ATL3: variants seen among roughly 807,000 people sequenced by gnomAD.
The protein encoded by ATL3 is atlastin-3.
Under a neutral mutation model 69.5 loss-of-function variants are expected in ATL3, and 49 were observed. The observed-to-expected ratio is 0.71, with a 90% CI of 0.56 to 0.89. The LOEUF (loss-of-function observed/expected upper bound fraction) is 0.89, where lower values mean the gene tolerates loss of function less well. ATL3 is among the 40% of genes least tolerant of loss of function. The pLI, the probability that ATL3 is intolerant of heterozygous loss-of-function variation, is 0.00. For missense variants in ATL3, 606 were observed against 645.7 expected (o/e 0.94, Z 0.67); for synonymous variants, 214 against 224.1 (o/e 0.95, Z 0.40).
chr11:63,666,703 C>A (rs929956516), intron 1 of ATL3, among the ~76,000 whole-genome samples: 4 of 151,994 alleles, frequency 2.6e-5, no homozygotes, highest in Non-Finnish European at 5.9e-5. Context: ...AGCCACCGTG[C>A]CCGGTCCACT....
chr11:63,646,558 G>A lies in ATL3; in HGVS notation c.567C>T (p.Phe189=). 1 of 1,601,674 alleles carries A rather than the reference G, an allele frequency of 6.2e-7. No homozygotes were observed. ...QEDDLQQLQL[F]TEYGRLAMDE... is the part of the protein sequence containing the mutation. Reference sequence around the variant, plus strand: ...CCATTGCCAGACGACCGTATTCTGTGAAGAGCTTTAAAAAAGAAGCATTAT... The same window carrying A: ...CCATTGCCAGACGACCGTATTCTGTAAAGAGCTTTAAAAAAGAAGCATTAT... The change falls in exon 6 of 13, where the codon TTC becomes TTT. Residue 189 remains phenylalanine (F), a synonymous_variant. Coordinates refer to ENST00000398868, the MANE Select transcript of ATL3 (RefSeq NM_015459.5).
At chr11:63,659,324 A>C in intron 1 of ATL3, 72 bp from the exon 2 acceptor site, 1 of 1,348,196 alleles carries the variant, frequency 7.4e-7, no homozygotes. Context: ...GGAAAACAAA[A>C]ACTTCTTAAA....
intron 2 of ATL3, 52 bp downstream of exon 2, chr11:63,658,986 T>G: frequency 6.2e-7 from 1 of 1,605,094 alleles, no homozygotes; most frequent in Non-Finnish European, 8.5e-7. Context: ...ATTTCGCTTT[T>G]TTGGACATTA....
chr11:63,642,532 T>C (rs1939733325), intron 8 of ATL3, among the ~76,000 whole-genome samples: 1 of 152,192 alleles, frequency 6.6e-6, no homozygotes, highest in African/African-American at 2.4e-5. Context: ...AGAACCCCTA[T>C]TTTAGCCCAG....
chr11:63,637,409 T>C (rs1321454948), intron 8 of ATL3, among the ~76,000 whole-genome samples: 1 of 152,182 alleles, frequency 6.6e-6, no homozygotes, highest in African/African-American at 2.4e-5. Flanking sequence ...TGGTCATTGA[T>C]TTATTCTTGT....
rs1289740506 is a variant in ATL3 at position 63,632,557 on chromosome 11, G to T, written c.1107+469C>A. 3.5e-6 allele frequency: 3 copies of T among 856,060 alleles called. No homozygotes were observed. The African/African-American group carries it at 5.0e-5, about 14-fold the overall frequency. The allele number at this position is 856,060 out of a possible 1,614,324, so 53.0% of individuals were successfully genotyped here. A position where few individuals can be genotyped will look rare whatever the true frequency, so the allele number is the denominator to read the frequency against. ...CTACAGTTATGTCCCAGTGGGTCAT[G>T]TTTGGTTAGAAGGTGATAAATCTAC... On this transcript the variant is annotated intron_variant, in intron 11 of 12. Coordinates refer to ENST00000398868, the MANE Select transcript of ATL3 (RefSeq NM_015459.5).
chr11:63,647,173 A>G (rs546120899), intron 5 of ATL3, among the ~76,000 whole-genome samples: 9 of 152,120 alleles, frequency 5.9e-5, no homozygotes, highest in Admixed American at 3.9e-4. Context: ...TTTGCCAATA[A>G]TATTTCCTAC....
chr11:63,661,445 T>C (rs1350293164), intron 1 of ATL3, among the ~76,000 whole-genome samples: 1 of 152,146 alleles, frequency 6.6e-6, no homozygotes, highest in African/African-American at 2.4e-5. Context: ...CAAAGATAAC[T>C]AATTAATTTG....
At chr11:63,660,641 G>A (rs965804907) in intron 1 of ATL3, among the ~76,000 whole-genome samples, 2 of 152,012 alleles carry the variant, frequency 1.3e-5, no homozygotes, top group Admixed American at 1.3e-4. Context: ...ATGGTGGCTC[G>A]CACATATAGT....
At chr11:63,636,167 C>T (rs757430943) in intron 9 of ATL3, 40 bp downstream of exon 9, 98 of 1,589,268 alleles carry the variant, frequency 6.2e-5, no homozygotes, top group Non-Finnish European at 8.1e-5. Flanking sequence ...ATCAGCTTTA[C>T]CAAAAATCAA....
rs1293134731 is a variant in ATL3, at chr11:63,625,178, T to A, written c.*4141A>T. 1 of 152,044 alleles carries A rather than the reference T, an allele frequency of 6.6e-6. No individual in the cohort carries two copies. The highest frequency in any genetic ancestry group is 1.5e-5 in the Non-Finnish European group (1 of 68,036). 9.4% of individuals were successfully genotyped at this position (152,044 alleles called of 1,614,324 possible). ...ACAATGGGCTTCTTAATGTCATTTT[T>A]AAAAATTAATCACACAAATAGTTTG... On this transcript the variant is annotated 3_prime_UTR_variant, in exon 13 of 13. Coordinates refer to ENST00000398868, the MANE Select transcript of ATL3 (RefSeq NM_015459.5).
intron 1 of ATL3, among the ~76,000 whole-genome samples, chr11:63,666,766 T>C (rs1003467473): frequency 6.6e-6 from 1 of 152,118 alleles, no homozygotes; most frequent in African/African-American, 2.4e-5. Flanking sequence ...GTACTAAAAA[T>C]ATCTGTAAGT....
intron 8 of ATL3, among the ~76,000 whole-genome samples, chr11:63,641,393 A>T (rs1350872725): frequency 6.6e-6 from 1 of 152,204 alleles, no homozygotes; most frequent in African/African-American, 2.4e-5. Context: ...ACTTCAGAAA[A>T]TCTTATTTGG....
Position 63,659,253 on chromosome 11 carries a change from C to G in ATL3, c.47-1G>C. On this transcript the variant is annotated splice_acceptor_variant, in intron 1 of 12. Transcript: ENST00000398868. LOFTEE classifies it high-confidence loss of function. ...GGCTTGCTGCTCTCCATGGCATCATCTATGTTCATGCAGAGAAAAAAAATC... is the reference window on the plus strand; with the variant it reads ...GGCTTGCTGCTCTCCATGGCATCATGTATGTTCATGCAGAGAAAAAAAATC... The G allele has an allele frequency of 6.2e-7, 1 of 1,613,394 alleles. No individual in the cohort carries two copies. Among genetic ancestry groups the G allele is most frequent in the South Asian group, 1.1e-5 (1 of 91,046 alleles).
At chr11:63,670,832 C>A (rs1365716391) in intron 1 of ATL3, among the ~76,000 whole-genome samples, 1 of 152,258 alleles carries the variant, frequency 6.6e-6, no homozygotes, top group Non-Finnish European at 1.5e-5. Context: ...CACCTTCCCG[C>A]TCCATCCAGG....
chr11:63,665,760 C>T (rs898466344), intron 1 of ATL3, among the ~76,000 whole-genome samples: 3 of 151,762 alleles, frequency 2.0e-5, no homozygotes, highest in Non-Finnish European at 2.9e-5. Flanking sequence ...TTGGTGGTAA[C>T]GCGCCTGTAA....
intron 8 of ATL3, among the ~76,000 whole-genome samples, chr11:63,641,710 C>T (rs1483731267): frequency 1.3e-5 from 2 of 152,124 alleles, no homozygotes; most frequent in Non-Finnish European, 2.9e-5. Flanking sequence ...TGTCTTAAGC[C>T]ACCTAGTTTG....
At chr11:63,656,073 A>G (rs945764995) in intron 3 of ATL3, among the ~76,000 whole-genome samples, 1 of 151,656 alleles carries the variant, frequency 6.6e-6, no homozygotes, top group African/African-American at 2.4e-5. Context: ...AAATACAAAA[A>G]CTTAGCCGGG....
chr11:63,636,173 A>C, intron 9 of ATL3, 34 bp downstream of exon 9: 1 of 1,591,910 alleles, frequency 6.3e-7, no homozygotes, highest in Non-Finnish European at 8.5e-7. Context: ...TTTACCAAAA[A>C]TCAAACATTT....
Sources: gnomAD v4.1 joint callset for allele counts (sites outside exome capture counted in the v4.1 genomes callset) on GRCh38, gnomAD v4.1.1 for gene constraint, MANE v1.5 for transcripts, NCBI Gene and HGNC (gene_info 2026-07-23, HGNC 2026-07-21) for gene names.